IL23R: variants seen among roughly 807,000 people sequenced by gnomAD.
IL23R encodes the protein interleukin 23 receptor, also known as interleukin-23 receptor.
Under a neutral mutation model 56.9 loss-of-function variants are expected in IL23R, and 34 were observed. That is an observed-to-expected ratio of 0.60 (90% CI 0.45 to 0.80). IL23R has a LOEUF of 0.80. Ranked by LOEUF, IL23R falls within the 30% of genes least tolerant of loss-of-function variation. The probability of loss-of-function intolerance (pLI) is 0.00; values close to 1 mark genes in which losing one functional copy is unlikely to be tolerated. For synonymous variants in IL23R, 230 were observed against 249.2 expected, an observed-to-expected ratio of 0.92 and a Z score of 0.73; for missense variants, 635 against 730.0, an observed-to-expected ratio of 0.87 and a Z score of 1.50.
Position 67,259,236 on chromosome 1 carries a change from A to G in IL23R, c.*108A>G. The G allele has an allele frequency of 9.3e-7, 1 of 1,079,672 alleles. No individual in the cohort carries two copies. Among genetic ancestry groups the G allele is most frequent in the South Asian group, 1.3e-5 (1 of 75,246 alleles). 66.9% of individuals were successfully genotyped at this position (1,079,672 alleles called of 1,614,324 possible). A position where few individuals can be genotyped will look rare whatever the true frequency, so the allele number is the denominator to read the frequency against. ...CTCTTTTTGAAAAAAATGTATTCAC[A>G]TACAAATCTTCACATGGACACATGT... On this transcript the variant is annotated 3_prime_UTR_variant, in exon 11 of 11. Coordinates refer to ENST00000347310, the MANE Select transcript of IL23R (RefSeq NM_144701.3).
downstream of IL23R, among the ~76,000 whole-genome samples, chr1:67,264,736 A>G (rs1653293031): frequency 1.3e-5 from 2 of 152,336 alleles, no homozygotes; most frequent in African/African-American, 2.4e-5. Context: ...TCACTTTTCA[A>G]CTTAAGATAA....
chr1:67,220,390 T>A (rs974573011), intron 7 of IL23R, among the ~76,000 whole-genome samples: 1 of 151,512 alleles, frequency 6.6e-6, no homozygotes, highest in Non-Finnish European at 1.5e-5. Flanking sequence ...AAAATAAAAA[T>A]AATAATAATA....
chr1:67,216,147 C>G (rs1244562573), intron 6 of IL23R, among the ~76,000 whole-genome samples: 4 of 152,190 alleles, frequency 2.6e-5, no homozygotes, highest in Non-Finnish European at 5.9e-5. Flanking sequence ...GCAATCCACA[C>G]CTACTTCCGT....
chr1:67,161,510 T>A (rs890000140), upstream of IL23R, among the ~76,000 whole-genome samples: 4 of 152,078 alleles, frequency 2.6e-5, no homozygotes, highest in Non-Finnish European at 5.9e-5. Context: ...CTTATAAAGT[T>A]GAGCTTCAAT....
chr1:67,168,217 A>G (rs1646897167), intron 2 of IL23R, 27 bp downstream of exon 2: 2 of 1,461,994 alleles, frequency 1.4e-6, no homozygotes, highest in African/African-American at 1.4e-5. Flanking sequence ...ATCTATTGCT[A>G]TCTTTCATTC....
chr1:67,160,183 C>T (rs1318020910), intron 1 of IL23R, among the ~76,000 whole-genome samples: 2 of 152,114 alleles, frequency 1.3e-5, no homozygotes, highest in East Asian at 3.9e-4. Context: ...AATTTTCAAG[C>T]TCATTCCTGC....
intron 3 of IL23R, among the ~76,000 whole-genome samples, chr1:67,174,888 C>T (rs1365199071): frequency 6.6e-6 from 1 of 152,136 alleles, no homozygotes; most frequent in Non-Finnish European, 1.5e-5. Context: ...TTCACAATGA[C>T]AGCAAGATGG....
intron 6 of IL23R, among the ~76,000 whole-genome samples, chr1:67,208,539 G>A (rs1649238526): frequency 6.6e-6 from 1 of 152,192 alleles, no homozygotes; most frequent in Non-Finnish European, 1.5e-5. Context: ...ATCCAGCTTG[G>A]GCTGTGGCTT....
chr1:67,239,091 A>G (rs1220881987), intron 8 of IL23R, among the ~76,000 whole-genome samples: 1 of 152,216 alleles, frequency 6.6e-6, no homozygotes, highest in Non-Finnish European at 1.5e-5. Context: ...TTCCAATGTG[A>G]TAAGTAATGC....
downstream of IL23R, among the ~76,000 whole-genome samples, chr1:67,263,424 A>C (rs965628644): frequency 1.3e-5 from 2 of 152,038 alleles, no homozygotes; most frequent in African/African-American, 4.8e-5. Context: ...AATAGTATTG[A>C]AGAGAGGCTT....
chr1:67,237,231 G>A (rs1488648474), intron 8 of IL23R, among the ~76,000 whole-genome samples: 5 of 151,942 alleles, frequency 3.3e-5, no homozygotes, highest in East Asian at 3.9e-4. Context: ...TTGTAGAGAC[G>A]GGTTTCACCA....
At chr1:67,198,064 A>AG (rs1024634608) in intron 4 of IL23R, among the ~76,000 whole-genome samples, 1 of 152,046 alleles carries the variant, frequency 6.6e-6, no homozygotes, top group Non-Finnish European at 1.5e-5. Flanking sequence ...AGATAGAGGG[A>AG]GGGGGGATAT....
intron 8 of IL23R, among the ~76,000 whole-genome samples, chr1:67,239,866 T>A (rs77761625): frequency 0.012 from 1,896 of 152,296 alleles, 15 homozygotes; most frequent in Non-Finnish European, 0.02. Context: ...ACAAGCCAAA[T>A]GAAGCTCACC....
At chr1:67,157,868 A>G (rs1646782513) in intron 1 of IL23R, among the ~76,000 whole-genome samples, 1 of 152,136 alleles carries the variant, frequency 6.6e-6, no homozygotes, top group Non-Finnish European at 1.5e-5. Flanking sequence ...TGTTTTGTTT[A>G]CCCCTTTATC....
chr1:67,168,849 G>A (rs1245823473), intron 2 of IL23R, among the ~76,000 whole-genome samples: 1 of 152,126 alleles, frequency 6.6e-6, no homozygotes, highest in Non-Finnish European at 1.5e-5. Flanking sequence ...TTGTGTCATG[G>A]TGCTGAACAT....
intron 3 of IL23R, among the ~76,000 whole-genome samples, chr1:67,173,083 T>C (rs945218340): frequency 1.2e-4 from 18 of 152,188 alleles, no homozygotes; most frequent in Non-Finnish European, 2.4e-4. Flanking sequence ...AGGGGTGGGA[T>C]TGGCAAGAAA....
At chr1:67,158,393 G>A (rs919498352) in intron 1 of IL23R, among the ~76,000 whole-genome samples, 1 of 152,188 alleles carries the variant, frequency 6.6e-6, no homozygotes, top group Non-Finnish European at 1.5e-5. Context: ...TTGGACAGCA[G>A]CAGCAGAGAT....
intron 4 of IL23R, among the ~76,000 whole-genome samples, chr1:67,190,782 G>A (rs1009920369): frequency 1.3e-5 from 2 of 152,244 alleles, no homozygotes; most frequent in South Asian, 2.1e-4. Flanking sequence ...TTCACGCACC[G>A]TAGAAGACCA....
chr1:67,144,490 T>C (rs886457190), intron 1 of IL23R, among the ~76,000 whole-genome samples: 2 of 152,238 alleles, frequency 1.3e-5, no homozygotes, highest in Non-Finnish European at 2.9e-5. Context: ...TATAGTCACA[T>C]GTCTTCTTAA....
Sources: gnomAD v4.1 joint callset for allele counts (sites outside exome capture counted in the v4.1 genomes callset) on GRCh38, gnomAD v4.1.1 for gene constraint, MANE v1.5 for transcripts, NCBI Gene and HGNC (gene_info 2026-07-23, HGNC 2026-07-21) for gene names.